Variants in KCNJ15 observed in about 807,000 individuals in gnomAD.
KCNJ15 encodes the protein ATP-sensitive inward rectifier potassium channel 15.
Under a neutral mutation model 23.0 loss-of-function variants are expected in KCNJ15, and 14 were observed. The observed-to-expected ratio is 0.61, with a 90% CI of 0.40 to 0.95. KCNJ15 has a LOEUF of 0.95. Ranked by LOEUF, KCNJ15 falls within the 40% of genes least tolerant of loss-of-function variation. The pLI is 0.00. For synonymous variants in KCNJ15, 185 were observed against 183.2 expected, an observed-to-expected ratio of 1.01 and a Z score of -0.08; for missense variants, 388 against 461.8, an observed-to-expected ratio of 0.84 and a Z score of 1.46.
chr21:38,258,731 G>A (rs1185464778), intron 1 of KCNJ15, among the ~76,000 whole-genome samples: 2 of 152,192 alleles, frequency 1.3e-5, no homozygotes, highest in African/African-American at 2.4e-5. Flanking sequence ...TTTCTAAAAC[G>A]TCCTCTCTCC....
intron 1 of KCNJ15, among the ~76,000 whole-genome samples, chr21:38,243,645 C>A (rs1345707361): frequency 1.3e-5 from 2 of 152,192 alleles, no homozygotes; most frequent in African/African-American, 4.8e-5. Context: ...TGGTCTCGAG[C>A]TCCTGACCTC....
chr21:38,238,618 T>C (rs1483433540), intron 1 of KCNJ15: 2 of 600,306 alleles, frequency 3.3e-6, no homozygotes, highest in Non-Finnish European at 6.3e-6. Flanking sequence ...CGTGAAGCTG[T>C]GCAACCAGAG....
chr21:38,258,811 TC>T (rs1170050239), intron 1 of KCNJ15, among the ~76,000 whole-genome samples: 1 of 152,096 alleles, frequency 6.6e-6, no homozygotes. Context: ...CCCAATTTCC[TC>T]TCCTCACACT....
chr21:38,238,539 G>C (rs989219317), intron 1 of KCNJ15: 3 of 639,972 alleles, frequency 4.7e-6, no homozygotes, highest in Non-Finnish European at 8.9e-6. Context: ...ATGCCACCGG[G>C]ACATGGTGCA....
At chr21:38,270,204 T>C (rs1981931890) in intron 1 of KCNJ15, among the ~76,000 whole-genome samples, 1 of 152,130 alleles carries the variant, frequency 6.6e-6, no homozygotes, top group Non-Finnish European at 1.5e-5. Context: ...CAAAACCTAG[T>C]GTGTCTCTTT....
chr21:38,280,001 T>G (rs923747331), intron 1 of KCNJ15, among the ~76,000 whole-genome samples: 4 of 152,156 alleles, frequency 2.6e-5, no homozygotes, highest in East Asian at 1.9e-4. Context: ...ATTGGCCAAC[T>G]AGGTTTAAAC....
upstream of KCNJ15, among the ~76,000 whole-genome samples, chr21:38,254,749 A>G (rs189879749): frequency 5.3e-5 from 8 of 152,324 alleles, no homozygotes; most frequent in Admixed American, 4.6e-4. Flanking sequence ...TTTGGCTTCC[A>G]TCTCCTTGCC....
chr21:38,288,030 G>GTTTTTTTTTTTTTT lies in KCNJ15; in HGVS notation c.-116-8881_-116-8868dup, dbSNP rs71184612. Among the ~76,000 whole-genome samples the GTTTTTTTTTTTTTT allele has an allele frequency of 3.1e-3, 249 of 81,446 alleles. 29 individuals are homozygous for GTTTTTTTTTTTTTT. The highest frequency in any genetic ancestry group is 3.9e-3 in the Non-Finnish European group (184 of 46,774). The allele number at this position is 81,446 out of a possible 152,430, so 53.4% of individuals were successfully genotyped here. On this transcript the variant is annotated intron_variant, in intron 1 of 2. Coordinates refer to ENST00000398938, the MANE Select transcript of KCNJ15 (RefSeq NM_170736.3). ...TGTTAAATAACTTGTTTTTTTCTTT[G>GTTTTTTTTTTTTTT]TTTTTTTTTTTTTTTTTTTTTTTTT... is the stretch of plus-strand genomic sequence containing the variant.
intron 1 of KCNJ15, among the ~76,000 whole-genome samples, chr21:38,261,558 A>G (rs1392266003): frequency 6.6e-6 from 1 of 152,248 alleles, no homozygotes; most frequent in Non-Finnish European, 1.5e-5. Context: ...TCAGTGATAT[A>G]TGGAAAACCA....
chr21:38,300,600 A>T lies in KCNJ15; in HGVS notation c.*211A>T. The T allele has an allele frequency of 1.9e-6, 1 of 538,588 alleles. No homozygotes were observed. Among genetic ancestry groups the T allele is most frequent in the Admixed American group, 3.7e-5 (1 of 27,272 alleles). 33.4% of individuals were successfully genotyped at this position (538,588 alleles called of 1,614,324 possible). A position where few individuals can be genotyped will look rare whatever the true frequency, so the allele number is the denominator to read the frequency against. Reference sequence around the variant, plus strand: ...CTGTTAGGTGCTTCGTCTGAAAGTGAACTCTCATAATTCAAATTGTATAAA... The same window carrying T: ...CTGTTAGGTGCTTCGTCTGAAAGTGTACTCTCATAATTCAAATTGTATAAA... On this transcript the variant is annotated 3_prime_UTR_variant, in exon 3 of 3. Coordinates refer to ENST00000398938, the MANE Select transcript of KCNJ15 (RefSeq NM_170736.3).
chr21:38,269,586 G>A (rs987685006), intron 1 of KCNJ15, among the ~76,000 whole-genome samples: 2 of 152,178 alleles, frequency 1.3e-5, no homozygotes, highest in Non-Finnish European at 2.9e-5. Flanking sequence ...AATCAACTTG[G>A]CATGCAAGTG....
intron 1 of KCNJ15, among the ~76,000 whole-genome samples, chr21:38,283,539 AT>A: frequency 6.6e-6 from 1 of 152,368 alleles, no homozygotes; most frequent in East Asian, 1.9e-4. Context: ...ATTTAAAACC[AT>A]TCCTATATTG....
chr21:38,263,770 A>G (rs1981172889), intron 1 of KCNJ15, among the ~76,000 whole-genome samples: 1 of 152,210 alleles, frequency 6.6e-6, no homozygotes, highest in Non-Finnish European at 1.5e-5. Context: ...CTACCTCTGC[A>G]TGTGACTGGC....
chr21:38,272,755 T>C (rs1366343610), intron 1 of KCNJ15, among the ~76,000 whole-genome samples: 1 of 152,212 alleles, frequency 6.6e-6, no homozygotes, highest in Non-Finnish European at 1.5e-5. Flanking sequence ...GAAGAAGACT[T>C]CTGCTTCTGA....
intron 1 of KCNJ15, chr21:38,238,631 G>C: frequency 1.7e-6 from 1 of 589,390 alleles, no homozygotes; most frequent in East Asian, 4.1e-5. Flanking sequence ...AACCAGAGCG[G>C]GTTGTGGGCT....
chr21:38,255,667 G>A (rs1454967460), upstream of KCNJ15, among the ~76,000 whole-genome samples: 1 of 152,122 alleles, frequency 6.6e-6, no homozygotes, highest in African/African-American at 2.4e-5. Context: ...AGCAGGGAGA[G>A]GGGGGAGAAA....
At chr21:38,251,188 C>G (rs916839962) in intron 1 of KCNJ15, among the ~76,000 whole-genome samples, 2 of 152,156 alleles carry the variant, frequency 1.3e-5, no homozygotes, top group Non-Finnish European at 1.5e-5. Flanking sequence ...ATTTGCCAGC[C>G]CACACTGTCA....
chr21:38,268,420 T>A (rs565936236), intron 1 of KCNJ15, among the ~76,000 whole-genome samples: 1 of 80,012 alleles, frequency 1.2e-5, no homozygotes, highest in Non-Finnish European at 2.5e-5. Context: ...TTGAAAGTTA[T>A]GTAGGTGGAT....
rs1985925813 is a variant in KCNJ15, at chr21:38,303,383, CGTT to C, written c.*2997_*2999del. 6.6e-6 allele frequency: 1 copy of C among 151,958 alleles called. No homozygotes were observed. Among genetic ancestry groups the C allele is most frequent in the South Asian group, 2.1e-4 (1 of 4,830 alleles). The allele number at this position is 151,958 out of a possible 1,614,324, so 9.4% of individuals were successfully genotyped here. Reference sequence around the variant, plus strand: ...TTTTCTCAATGAGACCATTAAAAAACGTTGTGTTCCATTTGAGAAACCAGAGTC... The same window carrying C: ...TTTTCTCAATGAGACCATTAAAAAACGTGTTCCATTTGAGAAACCAGAGTC... On this transcript the variant is annotated 3_prime_UTR_variant, in exon 3 of 3. Coordinates refer to ENST00000398938, the MANE Select transcript of KCNJ15 (RefSeq NM_170736.3).
Sources: gnomAD v4.1 joint callset for allele counts (sites outside exome capture counted in the v4.1 genomes callset) on GRCh38, gnomAD v4.1.1 for gene constraint, MANE v1.5 for transcripts, NCBI Gene and HGNC (gene_info 2026-07-23, HGNC 2026-07-21) for gene names.